PPFIA3: variants seen among roughly 807,000 people sequenced by gnomAD.
PPFIA3 encodes the protein liprin-alpha-3.
Under a neutral mutation model 145.8 loss-of-function variants are expected in PPFIA3, and 26 were observed. That is an observed-to-expected ratio of 0.18 (90% CI 0.13 to 0.25). PPFIA3 has a LOEUF of 0.25. Ranked by LOEUF, PPFIA3 falls within the 10% of genes least tolerant of loss-of-function variation. The probability of loss-of-function intolerance (pLI) is 1.00; values close to 1 mark genes in which losing one functional copy is unlikely to be tolerated. For missense variants in PPFIA3, 1,008 were observed against 1,587.8 expected, an observed-to-expected ratio of 0.63 and a Z score of 6.21; for synonymous variants, 645 against 661.4, an observed-to-expected ratio of 0.98 and a Z score of 0.38.
intron 1 of PPFIA3, 119 bp from the exon 2 acceptor site, chr19:49,127,740 G>A (rs1021293972): frequency 5.8e-6 from 7 of 1,209,084 alleles, no homozygotes; most frequent in African/African-American, 1.6e-5. Flanking sequence ...AGTTTCTTCT[G>A]TGCAGTGCTT....
rs2040922174 is a variant in PPFIA3, at chr19:49,120,350, TGCC to T, written c.-16+630_-16+632del. Among the ~76,000 whole-genome samples, 1 of 152,182 alleles carries T rather than the reference TGCC, an allele frequency of 6.6e-6. No individual in the cohort carries two copies. Among genetic ancestry groups the T allele is most frequent in the Non-Finnish European group, 1.5e-5 (1 of 68,020 alleles). ...CCAGGGCGCCCCAGCCTCTGGGTTC[TGCC>T]GGCCAGGCTCGTGGCCCCGTCCTCG... is the stretch of plus-strand genomic sequence containing the variant. On this transcript the variant is annotated intron_variant, in intron 1 of 29. Coordinates refer to ENST00000334186, the MANE Select transcript of PPFIA3 (RefSeq NM_003660.4). The surrounding 1 kb of genome is among the most constrained non-coding windows in gnomAD (Gnocchi z 4.6).
rs1417953458 is a variant in PPFIA3, at chr19:49,136,790, G to A, written c.1732G>A (p.Asp578Asn). The change falls in exon 15 of 30, where the codon GAT becomes AAT. Residue 578 changes from aspartate (D) to asparagine (N), a missense_variant. Coordinates refer to ENST00000334186, the MANE Select transcript of PPFIA3 (RefSeq NM_003660.4). ...PPFPGELDGS[D>N]EEEAEGMFGA... Reference sequence around the variant, plus strand: ...ATTCCCTGGGGAACTGGACGGCTCCGATGAGGAGGAGGCAGAGGGGATGTT... The same window carrying A: ...ATTCCCTGGGGAACTGGACGGCTCCAATGAGGAGGAGGCAGAGGGGATGTT... The A allele has an allele frequency of 8.8e-6, 14 of 1,592,638 alleles. No homozygotes were observed. Among genetic ancestry groups the A allele is most frequent in the Admixed American group, 1.8e-5 (1 of 56,570 alleles).
rs1227718917 is a variant in PPFIA3 at position 49,128,560 on chromosome 19, A to G, written c.342+92A>G. 7 of 1,233,712 alleles carry G rather than the reference A, an allele frequency of 5.7e-6. No individual in the cohort carries two copies. The highest frequency in any genetic ancestry group is 2.5e-5 in the East Asian group (1 of 40,304). The allele number at this position is 1,233,712 out of a possible 1,614,324, so 76.4% of individuals were successfully genotyped here. On this transcript the variant is annotated intron_variant, in intron 3 of 29. Transcript: ENST00000334186. The surrounding 1 kb of genome is among the most constrained non-coding windows in gnomAD (Gnocchi z 4.1). ...GCCTCTCAGTGTTGCAGCGTGACCT[A>G]TTTTTTTCCCCCATCTCGCCTTTCT...
At chr19:49,125,567 T>C (rs1328607597) in intron 1 of PPFIA3, 1 of 152,196 alleles carries the variant, frequency 6.6e-6, no homozygotes, top group African/African-American at 2.4e-5. Flanking sequence ...CCCTTGGGTA[T>C]AGCTTCAAGA....
chr19:49,128,158 G>A lies in PPFIA3; in HGVS notation c.240+45G>A. On this transcript the variant is annotated intron_variant, in intron 2 of 29. Transcript: ENST00000334186. The surrounding 1 kb of genome is among the most constrained non-coding windows in gnomAD (Gnocchi z 4.1). ...GGGGCATGAGGGGGCGGGGCCTCGGGGGGAAGAAGGCGGTCCGGAAGGGGC... is the reference window on the plus strand; with the variant it reads ...GGGGCATGAGGGGGCGGGGCCTCGGAGGGAAGAAGGCGGTCCGGAAGGGGC... 6.8e-7 allele frequency: 1 copy of A among 1,473,494 alleles called. No individual in the cohort carries two copies. The highest frequency in any genetic ancestry group is 9.0e-7 in the Non-Finnish European group (1 of 1,114,546). The allele number at this position is 1,473,494 out of a possible 1,614,324, so 91.3% of individuals were successfully genotyped here.
In PPFIA3 at chr19:49,134,172, C is replaced by T. The variant is rs776471792; in HGVS notation, c.1377+7C>T. 1 of 1,605,678 alleles carries T rather than the reference C, an allele frequency of 6.2e-7. No individual in the cohort carries two copies. The highest frequency in any genetic ancestry group is 1.7e-5 in the Admixed American group (1 of 57,630). Reference sequence around the variant, plus strand: ...GGGGGCGCTGGAGGAGAAGGTGCGCCCCCCATACAGGACTGCGGGACGCGG... The same window carrying T: ...GGGGGCGCTGGAGGAGAAGGTGCGCTCCCCATACAGGACTGCGGGACGCGG... On this transcript the variant is annotated splice_region_variant and intron_variant, in intron 11 of 29. Transcript: ENST00000334186.
Position 49,130,707 on chromosome 19 carries a change from G to C in PPFIA3, c.879+108G>C. On this transcript the variant is annotated intron_variant, in intron 7 of 29. Coordinates refer to ENST00000334186, the MANE Select transcript of PPFIA3 (RefSeq NM_003660.4). This position sits in a 1 kb window ranked among gnomAD's most constrained non-coding sequence, Gnocchi z 4.5. ...GAACCTCGATTCAGTCCACAGGCTGGGTGACTCCTCTTTGAGATTCAGTTT... is the reference window on the plus strand; with the variant it reads ...GAACCTCGATTCAGTCCACAGGCTGCGTGACTCCTCTTTGAGATTCAGTTT... The C allele has an allele frequency of 1.1e-6, 1 of 916,804 alleles. No individual in the cohort carries two copies. 56.8% of individuals were successfully genotyped at this position (916,804 alleles called of 1,614,324 possible).
At position 49,128,726 on chromosome 19, in the gene PPFIA3, C is replaced by T. The variant is rs2041034275; in HGVS notation, c.343-122C>T. 2.9e-6 allele frequency: 3 copies of T among 1,025,906 alleles called. No homozygotes were observed. The allele number at this position is 1,025,906 out of a possible 1,614,324, so 63.6% of individuals were successfully genotyped here. On this transcript the variant is annotated intron_variant, in intron 3 of 29. Coordinates refer to ENST00000334186, the MANE Select transcript of PPFIA3 (RefSeq NM_003660.4). The surrounding 1 kb of genome is among the most constrained non-coding windows in gnomAD (Gnocchi z 4.1). ...CCTCCTCTCTTTTCCTGACCTGTCTCGGTGCTCCTTTATATGGCTCCATCT... is the reference window on the plus strand; with the variant it reads ...CCTCCTCTCTTTTCCTGACCTGTCTTGGTGCTCCTTTATATGGCTCCATCT...
rs2041280782 is a variant in PPFIA3, at chr19:49,146,363, G to A, written c.2835+171G>A. ...TTCCATTATGGCTTGGCGGTGGGGA[G>A]GGTAGAGGGGATGCGATGTGGAAGC... On this transcript the variant is annotated intron_variant, in intron 23 of 29. Transcript: ENST00000334186. 12 of 789,000 alleles carry A rather than the reference G, an allele frequency of 1.5e-5. No homozygotes were observed. The South Asian group carries it at 2.2e-4, about 14-fold the overall frequency. 48.9% of individuals were successfully genotyped at this position (789,000 alleles called of 1,614,324 possible).
intron 1 of PPFIA3, among the ~76,000 whole-genome samples, chr19:49,121,771 T>C (rs1399169884): frequency 6.6e-6 from 1 of 151,996 alleles, no homozygotes; most frequent in East Asian, 1.9e-4. Flanking sequence ...AGCGAAACTC[T>C]GTCTCAAAAA....
chr19:49,130,129 TTG>T lies in PPFIA3; in HGVS notation c.657+64_657+65del, dbSNP rs2041050888. ...CAACTCCCTGACTTTGTGATAGTGT[TTG>T]TAACGTTTGGTATCATCCTCACTGG... On this transcript the variant is annotated intron_variant, in intron 6 of 29. Coordinates refer to ENST00000334186, the MANE Select transcript of PPFIA3 (RefSeq NM_003660.4). The surrounding 1 kb of genome is among the most constrained non-coding windows in gnomAD (Gnocchi z 4.5). 1.5e-5 allele frequency: 23 copies of T among 1,523,872 alleles called. No individual in the cohort carries two copies. The South Asian group carries it at 2.5e-4, about 17-fold the overall frequency. 94.4% of individuals were successfully genotyped at this position (1,523,872 alleles called of 1,614,324 possible). A position where few individuals can be genotyped will look rare whatever the true frequency, so the allele number is the denominator to read the frequency against.
At chr19:49,124,917 ATT>A (rs748065198) in intron 1 of PPFIA3, among the ~76,000 whole-genome samples, 91 of 152,226 alleles carry the variant, frequency 6.0e-4, no homozygotes, top group Non-Finnish European at 1.1e-3. Flanking sequence ...ACAAAAAATA[ATT>A]AGCCGGGCGT....
At position 49,149,404 on chromosome 19, in the gene PPFIA3, A is replaced by C. The variant is rs2041316941; in HGVS notation, c.3354+79A>C. ...TGAGCTGAGGGGGCGGGGCCTGACT[A>C]TTAATGGTCACGGTTGGAGGCGGGG... On this transcript the variant is annotated intron_variant, in intron 27 of 29. Coordinates refer to ENST00000334186, the MANE Select transcript of PPFIA3 (RefSeq NM_003660.4). This position sits in a 1 kb window ranked among gnomAD's most constrained non-coding sequence, Gnocchi z 5.7. 6.3e-6 allele frequency: 10 copies of C among 1,594,212 alleles called. No individual in the cohort carries two copies. In the South Asian group the frequency reaches 6.6e-5, roughly 11 times the overall value.
chr19:49,140,856 G>A (rs553696724), intron 18 of PPFIA3, among the ~76,000 whole-genome samples: 4 of 151,770 alleles, frequency 2.6e-5, no homozygotes, highest in East Asian at 1.9e-4. Flanking sequence ...GGGTTTCACC[G>A]TGTTAGCCAG....
At position 49,130,620 on chromosome 19, in the gene PPFIA3, G is replaced by A. The variant is rs184910766; in HGVS notation, c.879+21G>A. 1.0e-3 allele frequency: 1,612 copies of A among 1,542,480 alleles called. 4 individuals are homozygous for A. Among genetic ancestry groups the A allele is most frequent in the Non-Finnish European group, 1.3e-3 (1,460 of 1,142,536 alleles). Reference sequence around the variant, plus strand: ...AGGAGGTGAGGCCCCCAGGGAGGCGGGCTGCCCTGGGTCCCTCGCCTTTCC... The same window carrying A: ...AGGAGGTGAGGCCCCCAGGGAGGCGAGCTGCCCTGGGTCCCTCGCCTTTCC... On this transcript the variant is annotated intron_variant, in intron 7 of 29. Transcript: ENST00000334186. The surrounding 1 kb of genome is among the most constrained non-coding windows in gnomAD (Gnocchi z 4.5).
At chr19:49,148,521 C>T in intron 24 of PPFIA3, 145 bp from the exon 25 acceptor site, 1 of 765,584 alleles carries the variant, frequency 1.3e-6, no homozygotes, top group South Asian at 1.7e-5. Flanking sequence ...AAATGCCTCA[C>T]CTCCTGAGGG....
intron 16 of PPFIA3, 89 bp downstream of exon 16, chr19:49,138,516 C>T: frequency 2.6e-6 from 3 of 1,155,814 alleles, no homozygotes; most frequent in Non-Finnish European, 2.3e-6. Flanking sequence ...AATAACCCCT[C>T]ACACCAGTGG....
intron 18 of PPFIA3, among the ~76,000 whole-genome samples, chr19:49,140,639 CTTTTTTTTTTTTTTTTT>C (rs4002348): frequency 1.6e-5 from 1 of 63,798 alleles, no homozygotes; most frequent in Non-Finnish European, 2.8e-5. Flanking sequence ...ACTCATTTAC[CTTTTTTTTTTTTTTTTT>C]TTTTTTTTTT....
chr19:49,136,005 C>T (rs1003150751), intron 14 of PPFIA3, 82 bp downstream of exon 14: 11 of 1,387,688 alleles, frequency 7.9e-6, no homozygotes, highest in South Asian at 6.4e-5. Context: ...TGTGGGGCTC[C>T]GGGAGGAAGC....
Sources: gnomAD v4.1 joint callset for allele counts (sites outside exome capture counted in the v4.1 genomes callset) on GRCh38, gnomAD v4.1.1 for gene constraint, Gnocchi (gnomAD v3.1) non-coding constraint, MANE v1.5 for transcripts, NCBI Gene and HGNC (gene_info 2026-07-23, HGNC 2026-07-21) for gene names.